Variants in LRRC8C observed in about 807,000 individuals in gnomAD.
The protein encoded by LRRC8C is volume-regulated anion channel subunit LRRC8C.
In LRRC8C, 20 loss-of-function variants were observed where a neutral mutation model predicts 55.3. The ratio of observed to expected loss-of-function variants is 0.36; its 90% CI spans 0.25 to 0.53. LRRC8C has a LOEUF of 0.53. Ranked by LOEUF, LRRC8C falls within the 20% of genes least tolerant of loss-of-function variation. The probability of loss-of-function intolerance (pLI) is 0.92; values close to 1 mark genes in which losing one functional copy is unlikely to be tolerated. For synonymous variants in LRRC8C, 376 were observed against 360.7 expected, an observed-to-expected ratio of 1.04 and a Z score of -0.48; for missense variants, 659 against 951.4, an observed-to-expected ratio of 0.69 and a Z score of 4.04.
upstream of LRRC8C, chr1:89,633,064 G>A (rs1264543931): frequency 1.3e-5 from 2 of 152,112 alleles, no homozygotes; most frequent in African/African-American, 4.8e-5. Context: ...GGCGCTGGAG[G>A]CGGCTCCGTC....
chr1:89,662,842 C>CT (rs1252337129), intron 1 of LRRC8C, among the ~76,000 whole-genome samples: 4 of 152,066 alleles, frequency 2.6e-5, no homozygotes, highest in African/African-American at 9.7e-5. Flanking sequence ...AATTATTATA[C>CT]TTTAAGTTCT....
chr1:89,673,449 G>C (rs2185200), intron 1 of LRRC8C, among the ~76,000 whole-genome samples: 87,952 of 152,090 alleles, frequency 0.58, 26,444 homozygotes, highest in South Asian at 0.74. Flanking sequence ...CTCCAAGCCA[G>C]CTTTCTTACT....
chr1:89,688,519 G>T (rs972087636), intron 2 of LRRC8C, among the ~76,000 whole-genome samples: 6 of 152,214 alleles, frequency 3.9e-5, no homozygotes, highest in African/African-American at 1.2e-4. Flanking sequence ...GCCTGGGAAG[G>T]CCTCATTGGA....
In LRRC8C at chr1:89,633,636, G is replaced by GA. The variant is rs570954584; in HGVS notation, c.-5+314_-5+315insA. On this transcript the variant is annotated intron_variant, in intron 1 of 2. Coordinates refer to ENST00000370454, the MANE Select transcript of LRRC8C (RefSeq NM_032270.5). ...GTCCTGCAGACTGGGCGCGGGGGTGGGGGGGCGGTCCGCGAGGGGAAATGC... is the reference window on the plus strand; with the variant it reads ...GTCCTGCAGACTGGGCGCGGGGGTGGAGGGGGCGGTCCGCGAGGGGAAATGC... Among the ~76,000 whole-genome samples, 1,480 of 152,236 alleles carry GA rather than the reference G, an allele frequency of 9.7e-3. 21 individuals are homozygous for GA. The highest frequency in any genetic ancestry group is 0.034 in the African/African-American group (1,421 of 41,526).
intron 1 of LRRC8C, among the ~76,000 whole-genome samples, chr1:89,637,827 G>T (rs532230798): frequency 6.6e-6 from 1 of 152,140 alleles, no homozygotes; most frequent in Non-Finnish European, 1.5e-5. Flanking sequence ...CAAAACCTTA[G>T]ACTCTCTACT....
chr1:89,654,415 CA>C (rs970810637), intron 1 of LRRC8C, among the ~76,000 whole-genome samples: 3 of 151,638 alleles, frequency 2.0e-5, no homozygotes, highest in Non-Finnish European at 4.4e-5. Flanking sequence ...TAAATTTATA[CA>C]AAAAAAAGAG....
chr1:89,644,430 CG>C (rs919263572), intron 1 of LRRC8C, among the ~76,000 whole-genome samples: 7 of 152,152 alleles, frequency 4.6e-5, no homozygotes, highest in Non-Finnish European at 1.0e-4. Context: ...AGATTACAGG[CG>C]TGAGCCACAG....
chr1:89,623,721 C>CA, the LRRC8C span, among the ~76,000 whole-genome samples: 1,557 of 141,934 alleles, frequency 0.011, 30 homozygotes, highest in African/African-American at 0.035. Context: ...GACTCCATCT[C>CA]AAAAAAAAAA....
At chr1:89,640,740 T>C (rs1484342677) in intron 1 of LRRC8C, among the ~76,000 whole-genome samples, 1 of 152,094 alleles carries the variant, frequency 6.6e-6, no homozygotes, top group African/African-American at 2.4e-5. Context: ...ATGTCCAGGG[T>C]TTGGATCTGA....
At chr1:89,642,863 C>T (rs1656502258) in intron 1 of LRRC8C, among the ~76,000 whole-genome samples, 1 of 132,372 alleles carries the variant, frequency 7.6e-6, no homozygotes, top group Admixed American at 7.5e-5. Context: ...AAAAAAAATA[C>T]AAAAATTAAC....
chr1:89,680,243 A>G (rs1262562427), intron 1 of LRRC8C, among the ~76,000 whole-genome samples: 1 of 151,808 alleles, frequency 6.6e-6, no homozygotes, highest in East Asian at 1.9e-4. Context: ...ACGCCCGGCT[A>G]ATTTTTTGTA....
the LRRC8C span, among the ~76,000 whole-genome samples, chr1:89,619,160 A>C: frequency 2.0e-5 from 3 of 152,102 alleles, no homozygotes; most frequent in East Asian, 5.8e-4. Flanking sequence ...TTTTTTCAAA[A>C]TTATTGGTGT....
the LRRC8C span, among the ~76,000 whole-genome samples, chr1:89,622,075 G>A: frequency 6.6e-6 from 1 of 152,138 alleles, no homozygotes; most frequent in African/African-American, 2.4e-5. Context: ...TTTTTGTTTA[G>A]CACTCTAGGG....
upstream of LRRC8C, among the ~76,000 whole-genome samples, chr1:89,628,554 C>T (rs1194568662): frequency 6.6e-6 from 1 of 152,088 alleles, no homozygotes; most frequent in Non-Finnish European, 1.5e-5. Context: ...TTCTCTTGGC[C>T]CATTTTTATG....
intron 1 of LRRC8C, among the ~76,000 whole-genome samples, chr1:89,654,827 C>T (rs1557650246): frequency 6.7e-6 from 1 of 149,742 alleles, no homozygotes; most frequent in Non-Finnish European, 1.5e-5. Flanking sequence ...ATGTTCATGA[C>T]AGTATGGGTC....
chr1:89,625,715 C>T, the LRRC8C span, among the ~76,000 whole-genome samples: 1 of 152,158 alleles, frequency 6.6e-6, no homozygotes, highest in Non-Finnish European at 1.5e-5. Context: ...ATTTCACTAC[C>T]GTGATAAGGT....
chr1:89,673,823 G>A (rs980016415), intron 1 of LRRC8C, among the ~76,000 whole-genome samples: 8 of 152,158 alleles, frequency 5.3e-5, no homozygotes, highest in Non-Finnish European at 1.0e-4. Flanking sequence ...AGTACTCTCT[G>A]ACAGAGGTCA....
At chr1:89,635,375 T>C (rs1410743997) in intron 1 of LRRC8C, among the ~76,000 whole-genome samples, 3 of 152,198 alleles carry the variant, frequency 2.0e-5, no homozygotes, top group Non-Finnish European at 4.4e-5. Flanking sequence ...TTTAATATGG[T>C]ACATTGCTAT....
intron 1 of LRRC8C, among the ~76,000 whole-genome samples, chr1:89,683,975 T>C (rs1419732155): frequency 6.6e-6 from 1 of 152,172 alleles, no homozygotes. Flanking sequence ...TAAAGGGATT[T>C]GCAAAAATTT....
Sources: allele counts gnomAD v4.1 joint callset (sites outside exome capture counted in the v4.1 genomes callset), GRCh38; gene constraint gnomAD v4.1.1; transcripts MANE v1.5; gene names NCBI Gene and HGNC (gene_info 2026-07-23, HGNC 2026-07-21).